Variants in NALCN observed in about 807,000 individuals in gnomAD.
The protein encoded by NALCN is sodium leak channel, non-selective, also known as sodium leak channel NALCN.
NALCN carries 111 observed loss-of-function variants against 225.3 expected under a neutral mutation model. That is an observed-to-expected ratio of 0.49 (90% confidence interval 0.42 to 0.58). NALCN has a LOEUF of 0.58. Ranked by LOEUF, NALCN falls within the 20% of genes least tolerant of loss-of-function variation. NALCN has a pLI of 0.00. For missense variants in NALCN, 1,378 were observed against 2,202.4 expected, an observed-to-expected ratio of 0.63 and a Z score of 7.49; for synonymous variants, 764 against 769.0, an observed-to-expected ratio of 0.99 and a Z score of 0.11.
At chr13:101,413,444 G>A (rs1330286296) in intron 1 of NALCN, among the ~76,000 whole-genome samples, 1 of 151,966 alleles carries the variant, frequency 6.6e-6, no homozygotes, top group Non-Finnish European at 1.5e-5. Flanking sequence ...CAATGATAGA[G>A]GTATGGTTAA....
At chr13:101,261,760 T>A (rs976054148) in intron 10 of NALCN, among the ~76,000 whole-genome samples, 6 of 152,182 alleles carry the variant, frequency 3.9e-5, no homozygotes, top group African/African-American at 1.4e-4. Flanking sequence ...GTCTTTAGGT[T>A]TTTCCAAATA....
chr13:101,111,001 C>T (rs972449303), intron 19 of NALCN, 124 bp downstream of exon 19: 29 of 904,682 alleles, frequency 3.2e-5, no homozygotes, highest in South Asian at 2.4e-4. Context: ...GCAAATAGAA[C>T]GCGATTCCTC....
intron 7 of NALCN, among the ~76,000 whole-genome samples, chr13:101,318,827 A>G (rs1221970402): frequency 1.3e-5 from 2 of 152,228 alleles, no homozygotes; most frequent in African/African-American, 4.8e-5. Context: ...TAGAATAATT[A>G]TGACACTGCG....
At chr13:101,338,314 T>G (rs922301303) in intron 7 of NALCN, among the ~76,000 whole-genome samples, 1 of 152,240 alleles carries the variant, frequency 6.6e-6, no homozygotes, top group African/African-American at 2.4e-5. Context: ...GCTGTTTCAG[T>G]TGAATTTCAT....
chr13:101,060,015 C>T, intron 41 of NALCN, 48 bp from the exon 42 acceptor site: 1 of 1,599,070 alleles, frequency 6.3e-7, no homozygotes, highest in Non-Finnish European at 8.5e-7. Flanking sequence ...CAGCATCCTG[C>T]CTGCCCCACC....
At chr13:101,328,753 ACT>A (rs1370862631) in intron 7 of NALCN, among the ~76,000 whole-genome samples, 20 of 152,232 alleles carry the variant, frequency 1.3e-4, no homozygotes. Context: ...TTCCTATGAC[ACT>A]CTGTGATATG....
chr13:101,400,580 T>TGTGTGCGC (rs1447560398), intron 1 of NALCN, among the ~76,000 whole-genome samples: 6 of 135,664 alleles, frequency 4.4e-5, no homozygotes, highest in South Asian at 4.5e-4. Context: ...TGTGTGTGTG[T>TGTGTGCGC]GCACGTGTGT....
At chr13:101,127,906 T>A (rs886101017) in intron 17 of NALCN, among the ~76,000 whole-genome samples, 5 of 151,934 alleles carry the variant, frequency 3.3e-5, no homozygotes, top group African/African-American at 4.9e-5. Context: ...TAGACTGTGC[T>A]AAACATAAAG....
chr13:101,116,448 G>C (rs759033722), intron 18 of NALCN: 1 of 501,682 alleles, frequency 2.0e-6, no homozygotes, highest in Non-Finnish European at 3.9e-6. Flanking sequence ...GGTTATAAGA[G>C]AGATCTTTGG....
chr13:101,288,881 T>C (rs2043440836), intron 9 of NALCN, among the ~76,000 whole-genome samples: 1 of 152,204 alleles, frequency 6.6e-6, no homozygotes, highest in Non-Finnish European at 1.5e-5. Flanking sequence ...AAAGTTGGGA[T>C]AAGCTCATCT....
chr13:101,150,453 G>A (rs1447879706), intron 15 of NALCN, among the ~76,000 whole-genome samples: 5 of 152,292 alleles, frequency 3.3e-5, no homozygotes, highest in African/African-American at 4.8e-5. Flanking sequence ...GGCACTATCA[G>A]CCACCAAAAC....
At chr13:101,149,155 T>C (rs1229658839) in intron 15 of NALCN, among the ~76,000 whole-genome samples, 1 of 151,866 alleles carries the variant, frequency 6.6e-6, no homozygotes, top group Non-Finnish European at 1.5e-5. Context: ...TAGCTGGGCG[T>C]GGTGGCAGGC....
chr13:101,350,413 T>C (rs2045875598), intron 6 of NALCN, among the ~76,000 whole-genome samples: 1 of 152,042 alleles, frequency 6.6e-6, no homozygotes. Flanking sequence ...TTAACTATCA[T>C]TTTCTCGGGG....
rs1254272317 is a variant in NALCN, at chr13:101,082,901, C to G, written c.3691-18G>C. 1 of 1,614,068 alleles carries G rather than the reference C, an allele frequency of 6.2e-7. No individual in the cohort carries two copies. Among genetic ancestry groups the G allele is most frequent in the Non-Finnish European group, 8.5e-7 (1 of 1,179,904 alleles). The stretch of plus-strand genomic sequence containing the variant: ...ACGTCCCACTGCAACAGAAACAGCA[C>G]ACGAGTCGTTGCCCACGTCCATCGG... On this transcript the variant is annotated intron_variant, in intron 32 of 43. Transcript: ENST00000251127.
intron 10 of NALCN, among the ~76,000 whole-genome samples, chr13:101,276,381 T>G (rs116285612): frequency 6.6e-6 from 1 of 152,184 alleles, no homozygotes; most frequent in Non-Finnish European, 1.5e-5. Context: ...TTAAGTTGAT[T>G]AACAAAAAAT....
At chr13:101,199,744 C>T (rs1036653945) in intron 13 of NALCN, among the ~76,000 whole-genome samples, 3 of 151,818 alleles carry the variant, frequency 2.0e-5, no homozygotes, top group Non-Finnish European at 4.4e-5. Flanking sequence ...CACATGTATA[C>T]ATATGTACAA....
chr13:101,093,859 G>A (rs1167621390), intron 28 of NALCN, among the ~76,000 whole-genome samples: 2 of 152,078 alleles, frequency 1.3e-5, no homozygotes, highest in Admixed American at 1.3e-4. Flanking sequence ...CCCGGTTTGA[G>A]GAAAGGAAGA....
intron 6 of NALCN, among the ~76,000 whole-genome samples, chr13:101,362,330 T>C (rs1452237920): frequency 6.6e-6 from 1 of 152,088 alleles, no homozygotes; most frequent in Non-Finnish European, 1.5e-5. Flanking sequence ...TCTCAAATGG[T>C]AAAACGTACA....
At position 101,401,568 on chromosome 13, in the gene NALCN, C is replaced by T. The variant is rs542589473; in HGVS notation, c.-39-2403G>A. On this transcript the variant is annotated intron_variant, in intron 1 of 43. Coordinates refer to ENST00000251127, the MANE Select transcript of NALCN (RefSeq NM_052867.4). ...TCCATGCACCTTTATTATCAATACG[C>T]CACCTAAAGCAAAAATCATTTTTGA... is the stretch of plus-strand genomic sequence containing the variant. 3.9e-5 allele frequency among the ~76,000 whole-genome samples: 6 copies of T among 152,244 alleles called. No individual in the cohort carries two copies. In the South Asian group the frequency reaches 1.2e-3, roughly 32 times the overall value.
Sources: gnomAD v4.1 joint callset for allele counts (sites outside exome capture counted in the v4.1 genomes callset) on GRCh38, gnomAD v4.1.1 for gene constraint, MANE v1.5 for transcripts, NCBI Gene and HGNC (gene_info 2026-07-23, HGNC 2026-07-21) for gene names.